The following MAP4 variants were observed in gnomAD, a reference collection of about 807,000 sequenced individuals.
MAP4 encodes microtubule associated protein 4, also known as microtubule-associated protein 4.
A neutral mutation model predicts 170.2 loss-of-function variants in MAP4; 76 were observed. The ratio of observed to expected loss-of-function variants is 0.45; its 90% CI spans 0.37 to 0.54. MAP4 has a LOEUF of 0.54. MAP4 is among the 20% of genes least tolerant of loss of function. The pLI, the probability that MAP4 is intolerant of heterozygous loss-of-function variation, is 0.00. For missense variants in MAP4, 2,506 were observed against 2,748.0 expected (o/e 0.91, Z 1.97); for synonymous variants, 909 against 994.5 (o/e 0.91, Z 1.62).
upstream of MAP4, among the ~76,000 whole-genome samples, chr3:48,018,744 A>C (rs908819125): frequency 6.6e-6 from 1 of 152,140 alleles, no homozygotes; most frequent in African/African-American, 2.4e-5. Context: ...TGGAGGTTGC[A>C]GTGAGCCAAG....
Position 47,871,276 on chromosome 3 carries a change from A to G in MAP4, c.5952T>C (p.Thr1984=). The part of the protein sequence containing the change: ...LLPKKPTAIK[T]EGKPAEVKKM... ...TCTTGACTTCTGCAGGTTTTCCCTC[A>G]GTCTTAATGGCTGTACAAAATATAC... is the stretch of plus-strand genomic sequence containing the variant. The change falls in exon 14 of 21, where the codon ACT becomes ACC. Residue 1984 remains threonine (T), a synonymous_variant. Coordinates refer to ENST00000683076, the MANE Select transcript of MAP4 (RefSeq NM_001385682.1). The G allele has an allele frequency of 1.2e-6, 2 of 1,613,770 alleles. No individual in the cohort carries two copies. The highest frequency in any genetic ancestry group is 1.1e-5 in the South Asian group (1 of 91,082).
chr3:47,912,115 T>C lies in MAP4; in HGVS notation c.2306A>G (p.Lys769Arg), dbSNP rs957926148. Residue 769 changes from lysine (K) to arginine (R), a missense_variant, in exon 9 of 21, where the codon AAG becomes AGG. Lys to Arg is a conservative substitution (Grantham distance 26). Around this residue, in one of 3 missense-constraint regions of MAP4, gnomAD observed 2,008 missense variants for 2,206.0 expected, o/e 0.91. Transcript: ENST00000683076. ...WDIESTPIMM[K>R]KKKKKPKQKR... is the part of the protein sequence containing the mutation. ...TTGCTTTGGTTTCTTCTTCTTTTTC[T>C]TCATCATTATTGGTGTGCTTTCTAT... is the stretch of plus-strand genomic sequence containing the variant. 1.4e-5 allele frequency: 22 copies of C among 1,536,076 alleles called. No homozygotes were observed. The highest frequency in any genetic ancestry group is 1.7e-4 in the Middle Eastern group (1 of 6,012).
intron 10 of MAP4, among the ~76,000 whole-genome samples, chr3:47,897,886 G>A (rs950309573): frequency 2.7e-5 from 4 of 147,984 alleles, no homozygotes; most frequent in Admixed American, 6.7e-5. Flanking sequence ...AGGCTGCAGT[G>A]AGCCGAGATC....
At chr3:48,055,202 C>CCCCG (rs1559867250) in intron 1 of MAP4, among the ~76,000 whole-genome samples, 2 of 111,672 alleles carry the variant, frequency 1.8e-5, no homozygotes, top group African/African-American at 1.3e-4. Flanking sequence ...CCCTCTCCGT[C>CCCCG]TCCGTCTCCG....
chr3:47,975,051 G>A lies in MAP4; in HGVS notation c.292+2814C>T, dbSNP rs944893952. The A allele has an allele frequency of 8.7e-6, 9 of 1,034,724 alleles. No individual in the cohort carries two copies. The African/African-American group carries it at 1.4e-4, about 16-fold the overall frequency. The allele number at this position is 1,034,724 out of a possible 1,614,324, so 64.1% of individuals were successfully genotyped here. A position where few individuals can be genotyped will look rare whatever the true frequency, so the allele number is the denominator to read the frequency against. On this transcript the variant is annotated intron_variant, in intron 3 of 20. Coordinates refer to ENST00000683076, the MANE Select transcript of MAP4 (RefSeq NM_001385682.1). ...TTCTCATTTGGTGTTACACTATTCT[G>A]ATTCATGTTGAACATTTGAAAACCA...
At chr3:47,907,062 T>C (rs1003546123) in intron 9 of MAP4, among the ~76,000 whole-genome samples, 5 of 152,144 alleles carry the variant, frequency 3.3e-5, no homozygotes, top group African/African-American at 7.2e-5. Flanking sequence ...CTCGAACTCC[T>C]GACCTCAGGT....
intron 1 of MAP4, among the ~76,000 whole-genome samples, chr3:48,068,264 C>CA (rs34691079): frequency 0.64 from 67,767 of 106,400 alleles, 20,995 homozygotes; most frequent in East Asian, 0.73. Flanking sequence ...GATTCTGTCT[C>CA]AAAAAAAAAA....
intron 1 of MAP4, among the ~76,000 whole-genome samples, chr3:48,054,972 A>C (rs1231647069): frequency 6.6e-6 from 1 of 152,202 alleles, no homozygotes; most frequent in Admixed American, 6.5e-5. Context: ...CCGTTCTAGC[A>C]AAGGCCAAGT....
intron 3 of MAP4, among the ~76,000 whole-genome samples, chr3:47,957,230 C>T (rs557838699): frequency 9.2e-5 from 14 of 152,286 alleles, no homozygotes; most frequent in South Asian, 2.1e-4. Flanking sequence ...TGCAGTGGCA[C>T]GATCTTGTCT....
intron 19 of MAP4, 70 bp from the exon 20 acceptor site, chr3:47,853,422 T>A: frequency 9.1e-7 from 1 of 1,097,246 alleles, no homozygotes; most frequent in Non-Finnish European, 1.3e-6. Flanking sequence ...GTGATGGTGG[T>A]GGGTTTCACA....
At chr3:48,052,419 G>A (rs1193714695) in intron 1 of MAP4, among the ~76,000 whole-genome samples, 1 of 152,022 alleles carries the variant, frequency 6.6e-6, no homozygotes, top group Non-Finnish European at 1.5e-5. Context: ...ACAGGGTTTC[G>A]CTATATCGGT....
chr3:47,925,647 C>G (rs530734561), intron 4 of MAP4, among the ~76,000 whole-genome samples: 5 of 151,972 alleles, frequency 3.3e-5, no homozygotes, highest in Non-Finnish European at 4.4e-5. Context: ...TTATATGATT[C>G]CCTTTATATA....
At chr3:48,010,071 T>C (rs938636485) in intron 1 of MAP4, among the ~76,000 whole-genome samples, 1 of 152,148 alleles carries the variant, frequency 6.6e-6, no homozygotes, top group Non-Finnish European at 1.5e-5. Flanking sequence ...CATTAGGGCA[T>C]CTCTTCGTAT....
At chr3:47,960,270 G>C (rs1296213278) in intron 3 of MAP4, 2 of 217,368 alleles carry the variant, frequency 9.2e-6, no homozygotes, top group Non-Finnish European at 2.0e-5. Flanking sequence ...GTATATTTCA[G>C]GCTATTCAGC....
intron 10 of MAP4, 45 bp from the exon 11 acceptor site, chr3:47,877,568 A>AC (rs1448027071): frequency 3.0e-6 from 4 of 1,315,292 alleles, no homozygotes. Context: ...CAAACATTTT[A>AC]CATGCCCATT....
chr3:47,870,787 C>G, intron 15 of MAP4, 26 bp downstream of exon 15: 1 of 1,519,424 alleles, frequency 6.6e-7, no homozygotes, highest in Non-Finnish European at 8.8e-7. Flanking sequence ...GCCAGCATGC[C>G]AGGACCCCAA....
At chr3:48,068,024 G>C (rs888907628) in intron 1 of MAP4, among the ~76,000 whole-genome samples, 1 of 152,002 alleles carries the variant, frequency 6.6e-6, no homozygotes, top group Non-Finnish European at 1.5e-5. Context: ...CAGCACTTTG[G>C]GAGGCTGAGG....
In MAP4 at chr3:47,977,733, T is replaced by C. The variant is rs998180835; in HGVS notation, c.292+132A>G. 1.1e-5 allele frequency: 7 copies of C among 613,230 alleles called. No individual in the cohort carries two copies. In the Admixed American group the frequency reaches 1.5e-4, roughly 13 times the overall value. The allele number at this position is 613,230 out of a possible 1,614,324, so 38.0% of individuals were successfully genotyped here. ...TGGCAATGTCCTGGGTTTAAATACC[T>C]CCAACAAGAACACTACCACCCTCAG... On this transcript the variant is annotated intron_variant, in intron 3 of 20. Coordinates refer to ENST00000683076, the MANE Select transcript of MAP4 (RefSeq NM_001385682.1).
intron 3 of MAP4, among the ~76,000 whole-genome samples, chr3:47,955,747 C>A (rs1424178430): frequency 6.6e-6 from 1 of 152,150 alleles, no homozygotes; most frequent in Non-Finnish European, 1.5e-5. Flanking sequence ...AACCCAGCTA[C>A]AAAGTTACCT....
Sources: allele counts gnomAD v4.1 joint callset (sites outside exome capture counted in the v4.1 genomes callset), GRCh38; gene constraint gnomAD v4.1.1; regional missense constraint gnomAD v4.1.1; transcripts MANE v1.5; gene names NCBI Gene and HGNC (gene_info 2026-07-23, HGNC 2026-07-21).